Variants in TEX2 observed in about 807,000 individuals in gnomAD.
TEX2 encodes testis-expressed protein 2.
A neutral mutation model predicts 106.9 loss-of-function variants in TEX2; 53 were observed. The ratio of observed to expected loss-of-function variants is 0.50; its 90% CI spans 0.40 to 0.62. The LOEUF (loss-of-function observed/expected upper bound fraction) is 0.62. Among genes scored for constraint, TEX2 ranks in the 20% least tolerant of loss-of-function variants. The pLI, the probability that TEX2 is intolerant of heterozygous loss-of-function variation, is 0.00. For synonymous variants in TEX2, 523 were observed against 534.8 expected (o/e 0.98, Z 0.30); for missense variants, 1,207 against 1,379.0 (o/e 0.88, Z 1.98).
intron 5 of TEX2, among the ~76,000 whole-genome samples, chr17:64,181,259 C>T (rs1056403296): frequency 1.8e-4 from 27 of 151,958 alleles, no homozygotes; most frequent in African/African-American, 5.6e-4. Flanking sequence ...GGGCAAATCA[C>T]GCAGTCAAGA....
chr17:64,215,923 T>C (rs2033173448), intron 1 of TEX2, among the ~76,000 whole-genome samples: 1 of 152,238 alleles, frequency 6.6e-6, no homozygotes, highest in Admixed American at 6.5e-5. Flanking sequence ...ACAGTGATCC[T>C]GGATCACTAG....
rs1047527967 is a variant in TEX2, at chr17:64,188,271, A to G, written c.2321T>C (p.Leu774Pro). 1 of 1,613,930 alleles carries G rather than the reference A, an allele frequency of 6.2e-7. No homozygotes were observed. Among genetic ancestry groups the G allele is most frequent in the Non-Finnish European group, 8.5e-7 (1 of 1,180,038 alleles). Residue 774 changes from leucine to proline, a missense_variant, in exon 5 of 12, where the codon CTC (leucine) becomes CCC (proline). Around this residue, in one of 3 missense-constraint regions of TEX2, gnomAD observed 1,067 missense variants for 1,193.6 expected, o/e 0.89. Coordinates refer to ENST00000584379, the MANE Select transcript of TEX2 (RefSeq NM_001288732.2). ...LAGSVRQKML[L>P]DYSVYMGRCV... is the part of the protein sequence containing the mutation. ...CCTGCCCATGTACACGCTGTAGTCG[A>G]GAAGCATCTTCTGCCGCACGCTGCC...
intron 2 of TEX2, among the ~76,000 whole-genome samples, chr17:64,203,197 G>A (rs545727115): frequency 3.9e-5 from 6 of 152,300 alleles, no homozygotes; most frequent in Admixed American, 1.3e-4. Context: ...CCTATAGCCC[G>A]AGGAAGTGAT....
chr17:64,210,442 A>G (rs2032963136), intron 2 of TEX2, among the ~76,000 whole-genome samples: 1 of 152,220 alleles, frequency 6.6e-6, no homozygotes, highest in African/African-American at 2.4e-5. Flanking sequence ...TAAAAACCCA[A>G]AAAACTAGGA....
chr17:64,183,850 C>CG (rs2031975394), intron 5 of TEX2, among the ~76,000 whole-genome samples: 1 of 152,060 alleles, frequency 6.6e-6, no homozygotes, highest in African/African-American at 2.4e-5. Flanking sequence ...AGGCTGGTCT[C>CG]GAACTCCTGA....
intron 5 of TEX2, among the ~76,000 whole-genome samples, chr17:64,182,553 G>T (rs547611414): frequency 5.9e-5 from 9 of 152,214 alleles, no homozygotes; most frequent in Non-Finnish European, 1.3e-4. Context: ...TATCACCACA[G>T]TCAATTTTAG....
chr17:64,193,204 T>C (rs933844529), intron 4 of TEX2, among the ~76,000 whole-genome samples: 3 of 152,184 alleles, frequency 2.0e-5, no homozygotes, highest in Non-Finnish European at 4.4e-5. Flanking sequence ...GAGGGTCAGG[T>C]GCTCGAAAGT....
At position 64,185,406 on chromosome 17, in the gene TEX2, T is replaced by G. The variant is rs770106960; in HGVS notation, c.2424+2762A>C. On this transcript the variant is annotated intron_variant, in intron 5 of 11. Transcript: ENST00000584379. The surrounding 1 kb of genome is among the most constrained non-coding windows in gnomAD (Gnocchi z 4.0). ...AGCTGACCTGTGGAGTCTCTCTTCC[T>G]GATGTACCCATGCTGGAAGTGGTAC... 3.3e-5 allele frequency among the ~76,000 whole-genome samples: 5 copies of G among 152,174 alleles called. No individual in the cohort carries two copies. The highest frequency in any genetic ancestry group is 7.3e-5 in the Non-Finnish European group (5 of 68,032).
At chr17:64,183,422 A>G (rs548569646) in intron 5 of TEX2, among the ~76,000 whole-genome samples, 10 of 151,474 alleles carry the variant, frequency 6.6e-5, no homozygotes, top group South Asian at 6.3e-4. Flanking sequence ...GAGGACTCCA[A>G]TTTCTTTCTT....
chr17:64,240,233 A>ATG (rs67965706), intron 1 of TEX2, among the ~76,000 whole-genome samples: 11,505 of 147,286 alleles, frequency 0.078, 720 homozygotes, highest in African/African-American at 0.18. Flanking sequence ...GTATATGCAG[A>ATG]TGTGTGTGTG....
At chr17:64,212,527 G>GT in intron 2 of TEX2, 47 bp downstream of exon 2, 1 of 1,486,354 alleles carries the variant, frequency 6.7e-7, no homozygotes, top group Admixed American at 2.0e-5. Flanking sequence ...AAATACGGCT[G>GT]TATGTGAGAA....
At position 64,153,292 on chromosome 17, in the gene TEX2, G is replaced by T. The variant is rs1015565038; in HGVS notation, c.2931-138C>A. The T allele has an allele frequency of 3.1e-6, 2 of 639,460 alleles. No individual in the cohort carries two copies. The highest frequency in any genetic ancestry group is 3.7e-5 in the African/African-American group (2 of 53,828). 39.6% of individuals were successfully genotyped at this position (639,460 alleles called of 1,614,324 possible). A position where few individuals can be genotyped will look rare whatever the true frequency, so the allele number is the denominator to read the frequency against. ...TGGTGATTCTGTGTTGGGGCGGGGG[G>T]CATCCTGTGCATTGCAGGGTGTTCA... On this transcript the variant is annotated intron_variant, in intron 9 of 11. Transcript: ENST00000584379. This position sits in a 1 kb window ranked among gnomAD's most constrained non-coding sequence, Gnocchi z 4.1.
At chr17:64,170,610 T>C (rs2031339221) in intron 7 of TEX2, among the ~76,000 whole-genome samples, 1 of 146,582 alleles carries the variant, frequency 6.8e-6, no homozygotes, top group Non-Finnish European at 1.5e-5. Context: ...GGAGCTTGGA[T>C]CTATTCCAAA....
At position 64,153,724 on chromosome 17, in the gene TEX2, A is replaced by G. The variant is rs2030477458; in HGVS notation, c.2931-570T>C. Among the ~76,000 whole-genome samples the G allele has an allele frequency of 6.6e-6, 1 of 152,162 alleles. No homozygotes were observed. On this transcript the variant is annotated intron_variant, in intron 9 of 11. Coordinates refer to ENST00000584379, the MANE Select transcript of TEX2 (RefSeq NM_001288732.2). The surrounding 1 kb of genome is among the most constrained non-coding windows in gnomAD (Gnocchi z 4.1). ...TCAAAGGGCTTGGAACTTCTTAAAG[A>G]AAAATGTAGCCTGGGCAACACAGTG...
In TEX2 at chr17:64,202,260, T is replaced by C. The variant is rs1245941588; in HGVS notation, c.1645-7165A>G. Among the ~76,000 whole-genome samples the C allele has an allele frequency of 4.1e-4, 62 of 152,080 alleles. 3 individuals are homozygous for C. On this transcript the variant is annotated intron_variant, in intron 2 of 11. Transcript: ENST00000584379. ...GCTCTTTCCAGAACACTACAGGCTT[T>C]GACAGGAAATCTTGAGAGGATCACA...
At chr17:64,175,858 C>A (rs1187043266) in intron 6 of TEX2, among the ~76,000 whole-genome samples, 1 of 152,192 alleles carries the variant, frequency 6.6e-6, no homozygotes, top group Non-Finnish European at 1.5e-5. Flanking sequence ...CAGGGAAGGG[C>A]CCCTCTTGCT....
rs2030197925 is a variant in TEX2 at position 64,148,929 on chromosome 17, A to T, written c.*40T>A. ...TGGCGGCCAAGAACCCCACACATCCAGCTCGATGTCACAATATGGGGAACA... is the reference window on the plus strand; with the variant it reads ...TGGCGGCCAAGAACCCCACACATCCTGCTCGATGTCACAATATGGGGAACA... On this transcript the variant is annotated 3_prime_UTR_variant, in exon 12 of 12. Coordinates refer to ENST00000584379, the MANE Select transcript of TEX2 (RefSeq NM_001288732.2). 1.2e-6 allele frequency: 2 copies of T among 1,612,504 alleles called. No homozygotes were observed. Among genetic ancestry groups the T allele is most frequent in the South Asian group, 2.2e-5 (2 of 90,910 alleles).
intron 11 of TEX2, 182 bp from the exon 12 acceptor site, chr17:64,149,273 G>T: frequency 1.6e-6 from 1 of 617,116 alleles, no homozygotes; most frequent in Non-Finnish European, 2.7e-6. Context: ...AATCATACCA[G>T]CGCATGGATA....
chr17:64,234,199 C>T (rs2079789116), intron 1 of TEX2, among the ~76,000 whole-genome samples: 2 of 152,198 alleles, frequency 1.3e-5, no homozygotes, highest in African/African-American at 4.8e-5. Context: ...AATACAAGTA[C>T]ACAGCATGGA....
Sources: gnomAD v4.1 joint callset for allele counts (sites outside exome capture counted in the v4.1 genomes callset) on GRCh38, gnomAD v4.1.1 for gene constraint, gnomAD v4.1.1 regional missense constraint, Gnocchi (gnomAD v3.1) non-coding constraint, MANE v1.5 for transcripts, NCBI Gene and HGNC (gene_info 2026-07-23, HGNC 2026-07-21) for gene names.